CPNE8: variants seen among roughly 807,000 people sequenced by gnomAD.
CPNE8 encodes the protein copine 8.
In CPNE8, 45 loss-of-function variants were observed where a neutral mutation model predicts 81.5. The observed-to-expected ratio is 0.55, with a 90% CI of 0.44 to 0.71. The LOEUF (loss-of-function observed/expected upper bound fraction) is 0.71, where lower values mean the gene tolerates loss of function less well. CPNE8 is among the 30% of genes least tolerant of loss of function. CPNE8 has a pLI of 0.00. For synonymous variants in CPNE8, 252 were observed against 226.3 expected (o/e 1.11, Z -1.02); for missense variants, 594 against 672.1 (o/e 0.88, Z 1.28).
chr12:38,799,861 G>A (rs1942612311), intron 6 of CPNE8, among the ~76,000 whole-genome samples: 1 of 151,392 alleles, frequency 6.6e-6, no homozygotes. Flanking sequence ...CAAGGGGTCA[G>A]GGAGTTCCCT....
rs1319890879 is a variant in CPNE8, at chr12:38,724,830, A to G, written c.852+16T>C. ...TTTATTTTAATCTTTAATAAATAAC[A>G]TAAAATTTGACTTACTGTTCCAGAA... On this transcript the variant is annotated intron_variant, in intron 12 of 19. Transcript: ENST00000331366. The G allele has an allele frequency of 7.2e-7, 1 of 1,395,128 alleles. No homozygotes were observed. Among genetic ancestry groups the G allele is most frequent in the East Asian group, 2.3e-5 (1 of 42,764 alleles). 86.4% of individuals were successfully genotyped at this position (1,395,128 alleles called of 1,614,324 possible).
chr12:38,699,610 T>C (rs1308586368), intron 14 of CPNE8, among the ~76,000 whole-genome samples: 3 of 152,102 alleles, frequency 2.0e-5, no homozygotes, highest in Non-Finnish European at 2.9e-5. Context: ...TTCTTACCTT[T>C]TGGTGGCTGC....
At chr12:38,803,493 T>G (rs1942737942) in intron 6 of CPNE8, among the ~76,000 whole-genome samples, 1 of 149,956 alleles carries the variant, frequency 6.7e-6, no homozygotes, top group Non-Finnish European at 1.5e-5. Flanking sequence ...AATTAGGTAT[T>G]GATGGGACGT....
At chr12:38,879,947 T>C (rs2137119186) in intron 1 of CPNE8, among the ~76,000 whole-genome samples, 1 of 152,318 alleles carries the variant, frequency 6.6e-6, no homozygotes, top group Non-Finnish European at 1.5e-5. Context: ...AAACAACACA[T>C]TAAAAAATCT....
chr12:38,796,321 A>C (rs1942471822), intron 6 of CPNE8, among the ~76,000 whole-genome samples: 1 of 152,114 alleles, frequency 6.6e-6, no homozygotes, highest in African/African-American at 2.4e-5. Flanking sequence ...TCTTGAACTC[A>C]AAAGGAAAAG....
In CPNE8 at chr12:38,767,702, C is replaced by G; in HGVS notation, c.508G>C (p.Asp170His). 1 of 1,558,190 alleles carries G rather than the reference C, an allele frequency of 6.4e-7. No homozygotes were observed. The highest frequency in any genetic ancestry group is 2.5e-5 in the East Asian group (1 of 40,648). The change falls in exon 8 of 20, where the codon GAC becomes CAC. Residue 170 changes from aspartate to histidine, a missense_variant. Coordinates refer to ENST00000331366, the MANE Select transcript of CPNE8 (RefSeq NM_153634.3). ...VLMQFCANKL[D>H]KKDFFGKSDP... is the part of the protein sequence containing the mutation. ...GATTTTCCAAAGAAGTCCTTCTTGT[C>G]CAATTTGTTCGCACAAAATTGCATC...
At chr12:38,839,159 C>T (rs1262797687) in intron 5 of CPNE8, among the ~76,000 whole-genome samples, 1 of 152,132 alleles carries the variant, frequency 6.6e-6, no homozygotes, top group Non-Finnish European at 1.5e-5. Flanking sequence ...TCATTCAGCC[C>T]TTCCTACTGG....
rs138630837 is a variant in CPNE8, at chr12:38,893,498, A to G, written c.98+11939T>C. 2.0e-5 allele frequency among the ~76,000 whole-genome samples: 3 copies of G among 152,390 alleles called. No homozygotes were observed. In the East Asian group the frequency reaches 5.8e-4, roughly 29 times the overall value. On this transcript the variant is annotated intron_variant, in intron 1 of 19. Transcript: ENST00000331366. The stretch of plus-strand genomic sequence containing the variant: ...GTTCTAAAAAGGGGAGGCATGAATA[A>G]TCCACCCTTGGTTTAGCATATAATC...
intron 13 of CPNE8, among the ~76,000 whole-genome samples, chr12:38,717,624 C>T (rs2136727772): frequency 6.6e-6 from 1 of 151,356 alleles, no homozygotes; most frequent in African/African-American, 2.4e-5. Flanking sequence ...AACACAAAGG[C>T]ATAAGAATGA....
intron 19 of CPNE8, among the ~76,000 whole-genome samples, chr12:38,656,588 G>T (rs1257027862): frequency 6.6e-6 from 1 of 152,010 alleles, no homozygotes. Context: ...TCAAAGCCTG[G>T]TTCTGCTGCC....
chr12:38,795,867 G>GGATAGATAGATAGATA (rs11377515), intron 6 of CPNE8, among the ~76,000 whole-genome samples: 34,462 of 147,992 alleles, frequency 0.23, 4,273 homozygotes, highest in Non-Finnish European at 0.27. Context: ...ATGGATGGAT[G>GGATAGATAGATAGATA]GATAGATAGA....
At chr12:38,776,166 A>G in intron 7 of CPNE8, 72 bp downstream of exon 7, 2 of 686,142 alleles carry the variant, frequency 2.9e-6, no homozygotes, top group Non-Finnish European at 4.7e-6. Context: ...AAAATTAATT[A>G]GTTAAGTACA....
At chr12:38,813,016 G>A (rs1216113212) in intron 6 of CPNE8, among the ~76,000 whole-genome samples, 1 of 152,116 alleles carries the variant, frequency 6.6e-6, no homozygotes, top group Non-Finnish European at 1.5e-5. Context: ...GTGAGAATAC[G>A]GCCCACTGGA....
At chr12:38,899,322 G>A (rs1944428567) in intron 1 of CPNE8, among the ~76,000 whole-genome samples, 1 of 152,084 alleles carries the variant, frequency 6.6e-6, no homozygotes, top group African/African-American at 2.4e-5. Context: ...ACCCCAGAGA[G>A]CTCTCTCACT....
intron 6 of CPNE8, among the ~76,000 whole-genome samples, chr12:38,826,702 C>T (rs889832496): frequency 3.9e-5 from 6 of 151,942 alleles, no homozygotes; most frequent in African/African-American, 1.2e-4. Flanking sequence ...CCAATCAACA[C>T]ATTATAATAA....
chr12:38,680,663 C>G (rs1939389759), intron 16 of CPNE8, among the ~76,000 whole-genome samples: 1 of 151,924 alleles, frequency 6.6e-6, no homozygotes. Flanking sequence ...CTACTGTCAC[C>G]TCTTAGAGTT....
chr12:38,902,296 A>AAAGGAAGGAAGGAAGGAAGG (rs1183045799), intron 1 of CPNE8, among the ~76,000 whole-genome samples: 17 of 56,158 alleles, frequency 3.0e-4, no homozygotes, highest in African/African-American at 1.8e-3. Context: ...GGAAGGAAGG[A>AAAGGAAGGAAGGAAGGAAGG]AAGGAAGGAA....
At chr12:38,844,994 C>T (rs1227298037) in intron 4 of CPNE8, among the ~76,000 whole-genome samples, 1 of 151,958 alleles carries the variant, frequency 6.6e-6, no homozygotes, top group Admixed American at 6.6e-5. Flanking sequence ...AAAATGAGGT[C>T]ATTTTTGTCA....
chr12:38,741,561 C>G (rs1941105134), intron 10 of CPNE8, among the ~76,000 whole-genome samples: 1 of 152,084 alleles, frequency 6.6e-6, no homozygotes, highest in Non-Finnish European at 1.5e-5. Flanking sequence ...TATGTTAGAC[C>G]TAAAACCATA....
Sources: gnomAD v4.1 joint callset for allele counts (sites outside exome capture counted in the v4.1 genomes callset) on GRCh38, gnomAD v4.1.1 for gene constraint, MANE v1.5 for transcripts, NCBI Gene and HGNC (gene_info 2026-07-23, HGNC 2026-07-21) for gene names.